NHSL1: variants seen among roughly 807,000 people sequenced by gnomAD.
NHSL1 encodes the protein NHS-like protein 1.
A neutral mutation model predicts 95.0 loss-of-function variants in NHSL1; 48 were observed. That is an observed-to-expected ratio of 0.51 (90% confidence interval 0.40 to 0.64). The LOEUF (loss-of-function observed/expected upper bound fraction) is 0.64, where lower values mean the gene tolerates loss of function less well. Ranked by LOEUF, NHSL1 falls within the 30% of genes least tolerant of loss-of-function variation. The probability of loss-of-function intolerance (pLI) is 0.00; values close to 1 mark genes in which losing one functional copy is unlikely to be tolerated. For missense variants in NHSL1, 1,971 were observed against 2,077.7 expected, an observed-to-expected ratio of 0.95 and a Z score of 1.00; for synonymous variants, 783 against 833.9, an observed-to-expected ratio of 0.94 and a Z score of 1.05.
At chr6:138,669,977 C>T (rs1179523318) in intron 1 of NHSL1, among the ~76,000 whole-genome samples, 2 of 151,980 alleles carry the variant, frequency 1.3e-5, no homozygotes, top group African/African-American at 2.4e-5. Context: ...AAAATTTAGC[C>T]GGGCATGGTA....
At chr6:138,614,278 ATGC>A (rs1172616818) in intron 1 of NHSL1, among the ~76,000 whole-genome samples, 1 of 152,142 alleles carries the variant, frequency 6.6e-6, no homozygotes, top group African/African-American at 2.4e-5. Context: ...TGTAAGGATG[ATGC>A]TGGAGATGAG....
chr6:138,482,346 T>A (rs1188959113), intron 2 of NHSL1, among the ~76,000 whole-genome samples: 1 of 149,688 alleles, frequency 6.7e-6, no homozygotes, highest in African/African-American at 2.5e-5. Context: ...CTCAGGAGGC[T>A]GAGGCAGGAG....
intron 1 of NHSL1, among the ~76,000 whole-genome samples, chr6:138,532,620 C>A (rs922651349): frequency 1.3e-5 from 2 of 152,140 alleles, no homozygotes; most frequent in African/African-American, 4.8e-5. Context: ...TGATCCCCCA[C>A]AAAATCACCC....
chr6:138,427,141 G>A lies in NHSL1; in HGVS notation c.4086-2325C>T, dbSNP rs114154037. Among the ~76,000 whole-genome samples the A allele has an allele frequency of 1.7e-3, 262 of 152,252 alleles. 3 individuals are homozygous for A. Among genetic ancestry groups the A allele is most frequent in the African/African-American group, 6.2e-3 (256 of 41,552 alleles). Reference sequence around the variant, plus strand: ...TTAATTTGTAATTTAGATTTTAAACGGTGAGAGTATGCTGAGATCCATTAA... The same window carrying A: ...TTAATTTGTAATTTAGATTTTAAACAGTGAGAGTATGCTGAGATCCATTAA... On this transcript the variant is annotated intron_variant, in intron 7 of 7. Coordinates refer to ENST00000343505, the MANE Select transcript of NHSL1 (RefSeq NM_001144060.2).
In NHSL1 at chr6:138,499,355, G is replaced by A. The variant is rs912389201; in HGVS notation, c.-65C>T. ...ATTAAAAGCTCAGCCCAGTAGGCAG[G>A]TGGCAAGCTTCGTCCTTCTGCTACA... On this transcript the variant is annotated 5_prime_UTR_variant, in exon 1 of 8. Coordinates refer to ENST00000343505, the MANE Select transcript of NHSL1 (RefSeq NM_001144060.2). 15 of 1,539,590 alleles carry A rather than the reference G, an allele frequency of 9.7e-6. No individual in the cohort carries two copies. In the Admixed American group the frequency reaches 1.2e-4, roughly 13 times the overall value.
At chr6:138,463,885 C>G (rs1239470485) in intron 3 of NHSL1, among the ~76,000 whole-genome samples, 1 of 152,152 alleles carries the variant, frequency 6.6e-6, no homozygotes, top group Non-Finnish European at 1.5e-5. Context: ...CTCCCCTTAC[C>G]ATTGTTTTAT....
rs1467707436 is a variant in NHSL1 at position 138,496,219 on chromosome 6, C to A, written c.211G>T (p.Glu71Ter). 3 of 1,550,412 alleles carry A rather than the reference C, an allele frequency of 1.9e-6. No individual in the cohort carries two copies. Among genetic ancestry groups the A allele is most frequent in the Non-Finnish European group, 2.6e-6 (3 of 1,146,592 alleles). ...AKLNLKSVLR[E>*]CDKLRHDGYR... ...AAGCTCACAGAGGATGCCATCTTACCCCTCAGTACTGATTTGAGGTTGAGC... is the reference window on the plus strand; with the variant it reads ...AAGCTCACAGAGGATGCCATCTTACACCTCAGTACTGATTTGAGGTTGAGC... The change falls in exon 2 of 8, where the codon GAA (glutamate) becomes TAA (stop). Residue 71 changes from glutamate to a stop codon, truncating the protein, a stop_gained and splice_region_variant. Transcript: ENST00000343505. LOFTEE classifies it high-confidence loss of function.
rs576576254 is a variant in NHSL1 at position 138,494,962 on chromosome 6, G to A, written c.211+1257C>T. Among the ~76,000 whole-genome samples, 121 of 152,206 alleles carry A rather than the reference G, an allele frequency of 7.9e-4. 2 individuals are homozygous for A. The Middle Eastern group carries it at 0.017, about 21-fold the overall frequency. ...CTTTTTAACATCAACAATAAATTGG[G>A]CCGGGTGCAGTGGCTCATGCCTGTA... On this transcript the variant is annotated intron_variant, in intron 2 of 7. Coordinates refer to ENST00000343505, the MANE Select transcript of NHSL1 (RefSeq NM_001144060.2).
chr6:138,653,864 G>A (rs72977129), intron 1 of NHSL1, among the ~76,000 whole-genome samples: 3,720 of 152,142 alleles, frequency 0.024, 38 homozygotes, highest in Middle Eastern at 0.065. Context: ...TGTATGATAC[G>A]CTCCAATATT....
chr6:138,485,036 G>A (rs536383798), intron 2 of NHSL1, among the ~76,000 whole-genome samples: 7 of 152,234 alleles, frequency 4.6e-5, no homozygotes, highest in Non-Finnish European at 1.0e-4. Context: ...AGTCCTAGTT[G>A]AGCACCACCA....
intron 1 of NHSL1, among the ~76,000 whole-genome samples, chr6:138,607,622 G>A (rs1490314907): frequency 6.6e-6 from 1 of 152,184 alleles, no homozygotes; most frequent in Non-Finnish European, 1.5e-5. Context: ...AAAACAAGTT[G>A]TGGTACATGG....
At chr6:138,677,603 G>T (rs892756786) in intron 1 of NHSL1, among the ~76,000 whole-genome samples, 1 of 152,184 alleles carries the variant, frequency 6.6e-6, no homozygotes, top group Non-Finnish European at 1.5e-5. Flanking sequence ...AGAGGCAAAA[G>T]CTTTTTAAAG....
At chr6:138,568,713 G>A (rs1461260946) in intron 1 of NHSL1, among the ~76,000 whole-genome samples, 1 of 152,136 alleles carries the variant, frequency 6.6e-6, no homozygotes, top group Admixed American at 6.5e-5. Context: ...TATGTATCTT[G>A]TAATTACTTT....
At chr6:138,475,717 C>A (rs367878579) in intron 2 of NHSL1, among the ~76,000 whole-genome samples, 1 of 151,776 alleles carries the variant, frequency 6.6e-6, no homozygotes, top group Non-Finnish European at 1.5e-5. Context: ...AGGTTGAGGC[C>A]GGTGGATCAC....
intron 1 of NHSL1, among the ~76,000 whole-genome samples, chr6:138,506,070 G>A (rs1244781467): frequency 1.3e-5 from 2 of 152,112 alleles, no homozygotes; most frequent in Non-Finnish European, 2.9e-5. Context: ...CATCACAGCA[G>A]AAAGCACAAC....
At chr6:138,506,099 T>A (rs1197478535) in intron 1 of NHSL1, among the ~76,000 whole-genome samples, 1 of 152,156 alleles carries the variant, frequency 6.6e-6, no homozygotes, top group Non-Finnish European at 1.5e-5. Flanking sequence ...TCTGGGCCAA[T>A]AAAATAAAAT....
chr6:138,469,303 A>C (rs572616441), intron 3 of NHSL1, among the ~76,000 whole-genome samples: 1 of 152,350 alleles, frequency 6.6e-6, no homozygotes, highest in South Asian at 2.1e-4. Context: ...ACATTCGCAC[A>C]TGAGTTACGT....
chr6:138,491,932 A>G (rs1474721604), intron 2 of NHSL1, among the ~76,000 whole-genome samples: 1 of 152,088 alleles, frequency 6.6e-6, no homozygotes, highest in Non-Finnish European at 1.5e-5. Flanking sequence ...AGCATTTCAG[A>G]TTTCTAATTT....
intron 1 of NHSL1, among the ~76,000 whole-genome samples, chr6:138,560,464 T>C (rs1279272767): frequency 6.6e-6 from 1 of 152,194 alleles, no homozygotes; most frequent in Admixed American, 6.5e-5. Context: ...AGAGTTGGAC[T>C]TGGGAAGCTA....
Sources: gnomAD v4.1 joint callset for allele counts (sites outside exome capture counted in the v4.1 genomes callset) on GRCh38, gnomAD v4.1.1 for gene constraint, MANE v1.5 for transcripts, NCBI Gene and HGNC (gene_info 2026-07-23, HGNC 2026-07-21) for gene names.